DHRSX: variants seen among roughly 807,000 people sequenced by gnomAD.
DHRSX encodes the protein polyprenol dehydrogenase.
DHRSX carries 31 observed loss-of-function variants against 34.0 expected under a neutral mutation model. The observed-to-expected ratio is 0.91, with a 90% confidence interval of 0.69 to 1.23. The LOEUF (loss-of-function observed/expected upper bound fraction) is 1.23. Ranked by LOEUF, DHRSX falls within the 50% of genes most tolerant of loss-of-function variation. The pLI is 0.00. For missense variants in DHRSX, 414 were observed against 428.1 expected (o/e 0.97, Z 0.29); for synonymous variants, 201 against 183.8 (o/e 1.09, Z -0.76).
intron 5 of DHRSX, among the ~76,000 whole-genome samples, chrX:2,259,040 C>T (rs1196741813): frequency 7.9e-5 from 12 of 152,018 alleles, no homozygotes; most frequent in Admixed American, 5.3e-4. Context: ...TTTGGGAGGC[C>T]GAGGCGAGAG....
chrX:2,500,248 C>T (rs2045382214), intron 1 of DHRSX: 3 of 156,434 alleles, frequency 1.9e-5, no homozygotes, highest in South Asian at 4.0e-4. Flanking sequence ...CCCCAGTGCC[C>T]GAGAAGCCGC....
At chrX:2,484,098 C>CCCG (rs1202074177) in intron 1 of DHRSX, among the ~76,000 whole-genome samples, 1 of 152,150 alleles carries the variant, frequency 6.6e-6, no homozygotes, top group African/African-American at 2.4e-5. Context: ...GCCTCAGCCT[C>CCCG]AGTACCTGGG....
intron 5 of DHRSX, among the ~76,000 whole-genome samples, chrX:2,260,838 A>G (rs972707676): frequency 3.3e-5 from 5 of 152,076 alleles, no homozygotes; most frequent in African/African-American, 1.2e-4. Flanking sequence ...ACTTAATTCC[A>G]TCTGCAAAGA....
intron 3 of DHRSX, among the ~76,000 whole-genome samples, chrX:2,383,955 TTA>T (rs1298094938): frequency 1.3e-5 from 2 of 152,196 alleles, no homozygotes; most frequent in Admixed American, 1.3e-4. Context: ...CCATATGGGT[TTA>T]AGCAGGTTAA....
intron 1 of DHRSX, among the ~76,000 whole-genome samples, chrX:2,449,163 TG>T (rs1213636772): frequency 6.7e-6 from 1 of 148,910 alleles, no homozygotes; most frequent in Admixed American, 6.8e-5. Flanking sequence ...CACTCCAGCC[TG>T]GGCAACAAGA....
intron 1 of DHRSX, 118 bp from the exon 2 acceptor site, chrX:2,425,422 G>T: frequency 1.2e-6 from 1 of 852,512 alleles, no homozygotes; most frequent in Non-Finnish European, 1.9e-6. Context: ...ATTTATTTCT[G>T]GTTCTGTTCC....
chrX:2,268,531 ATAGAGATATATGTTAGCATGTACATATGT>A (rs2041505591), intron 4 of DHRSX, among the ~76,000 whole-genome samples: 1 of 152,244 alleles, frequency 6.6e-6, no homozygotes, highest in Non-Finnish European at 1.5e-5. Context: ...ATATATGCCT[ATAGAGATATATGTTAGCATGTACATATGT>A]GTTCACGTCT....
chrX:2,402,338 CA>C (rs2043496633), intron 3 of DHRSX, among the ~76,000 whole-genome samples: 1 of 152,216 alleles, frequency 6.6e-6, no homozygotes, highest in African/African-American at 2.4e-5. Context: ...AGGTGCAGGC[CA>C]GTCCAGAGAG....
At chrX:2,499,943 T>C (rs1338807594) in intron 1 of DHRSX, among the ~76,000 whole-genome samples, 1 of 151,870 alleles carries the variant, frequency 6.6e-6, no homozygotes, top group Non-Finnish European at 1.5e-5. Flanking sequence ...TTTGGGAGGC[T>C]GAGGCAGGAG....
intron 1 of DHRSX, among the ~76,000 whole-genome samples, chrX:2,451,750 G>A (rs2044221105): frequency 6.6e-6 from 1 of 152,170 alleles, no homozygotes; most frequent in Non-Finnish European, 1.5e-5. Context: ...GGGTGAAAAG[G>A]ACACAGACAG....
chrX:2,446,935 A>G (rs1274327986), intron 1 of DHRSX, among the ~76,000 whole-genome samples: 2 of 151,982 alleles, frequency 1.3e-5, no homozygotes, highest in Non-Finnish European at 2.9e-5. Flanking sequence ...GCCGCCATGT[A>G]CGCACTGAAG....
intron 1 of DHRSX, among the ~76,000 whole-genome samples, chrX:2,464,973 T>G (rs1434325680): frequency 6.6e-6 from 1 of 151,190 alleles, no homozygotes; most frequent in Non-Finnish European, 1.5e-5. Flanking sequence ...TCCCTAAGAA[T>G]GGGGCTAAGG....
chrX:2,322,706 T>C (rs2042327383), intron 3 of DHRSX, among the ~76,000 whole-genome samples: 1 of 149,892 alleles, frequency 6.7e-6, no homozygotes, highest in Non-Finnish European at 1.5e-5. Flanking sequence ...AGCATTTTCT[T>C]TTCTCTAGCA....
chrX:2,450,743 A>G (rs1221112520), intron 1 of DHRSX, among the ~76,000 whole-genome samples: 1 of 151,582 alleles, frequency 6.6e-6, no homozygotes, highest in Non-Finnish European at 1.5e-5. Context: ...AAAAAAAAAA[A>G]GCTTAACTAT....
chrX:2,296,978 C>CCCAGGCAGAT, intron 3 of DHRSX, among the ~76,000 whole-genome samples: 1 of 88,676 alleles, frequency 1.1e-5, no homozygotes, highest in South Asian at 3.7e-4. Context: ...CCCAGGCAGA[C>CCCAGGCAGAT]AGGAATAGGA....
chrX:2,348,432 T>C (rs1037639743), intron 3 of DHRSX, among the ~76,000 whole-genome samples: 4 of 152,180 alleles, frequency 2.6e-5, no homozygotes, highest in African/African-American at 9.7e-5. Context: ...GCCAGAATTC[T>C]GAGGCGTGCG....
chrX:2,222,044 A>C (rs1396328590), intron 6 of DHRSX, among the ~76,000 whole-genome samples: 1 of 152,178 alleles, frequency 6.6e-6, no homozygotes, highest in Non-Finnish European at 1.5e-5. Flanking sequence ...GAACGTATCC[A>C]CCATGTGGGG....
intron 1 of DHRSX, among the ~76,000 whole-genome samples, chrX:2,457,736 G>C (rs2044325342): frequency 6.6e-6 from 1 of 151,662 alleles, no homozygotes. Context: ...ATGTGGCCAA[G>C]GGACTGCCAC....
chrX:2,377,973 C>T (rs1235160298), intron 3 of DHRSX, among the ~76,000 whole-genome samples: 1 of 152,122 alleles, frequency 6.6e-6, no homozygotes, highest in Non-Finnish European at 1.5e-5. Flanking sequence ...CTCTTGACCT[C>T]GTGATCCGCC....
Sources: allele counts gnomAD v4.1 joint callset (sites outside exome capture counted in the v4.1 genomes callset), GRCh38; gene constraint gnomAD v4.1.1; transcripts MANE v1.5; gene names NCBI Gene and HGNC (gene_info 2026-07-23, HGNC 2026-07-21).